DACH2: variants seen among roughly 807,000 people sequenced by gnomAD.
DACH2 encodes the protein dachshund homolog 2.
In DACH2, 17 loss-of-function variants were observed where a neutral mutation model predicts 35.8. That is an observed-to-expected ratio of 0.48 (90% confidence interval 0.33 to 0.71). The LOEUF (loss-of-function observed/expected upper bound fraction) is 0.71. Among genes scored for constraint, DACH2 ranks in the 30% least tolerant of loss-of-function variants. The probability of loss-of-function intolerance (pLI) is 0.02; values close to 1 mark genes in which losing one functional copy is unlikely to be tolerated. For synonymous variants in DACH2, 195 were observed against 177.3 expected (o/e 1.10, Z -0.79); for missense variants, 469 against 472.7 (o/e 0.99, Z 0.07).
At chrX:86,430,823 C>G (rs2036974058) in intron 2 of DACH2, among the ~76,000 whole-genome samples, 1 of 111,907 alleles carries the variant, frequency 8.9e-6, no homozygotes, top group Admixed American at 9.5e-5. Flanking sequence ...AAACCTATCC[C>G]CCTGTTTTAA....
chrX:86,786,626 A>G (rs1171994514), intron 7 of DACH2, among the ~76,000 whole-genome samples: 1 of 112,603 alleles, frequency 8.9e-6, no homozygotes, highest in African/African-American at 3.2e-5. Context: ...CAAAGTGCTT[A>G]TAAATAATTC....
In DACH2 at chrX:86,422,453, C is replaced by A. The variant is rs1040199647; in HGVS notation, c.527+45591C>A. 3.6e-5 allele frequency among the ~76,000 whole-genome samples: 4 copies of A among 110,719 alleles called. 1 individual carries two copies. The Admixed American group carries it at 3.9e-4, about 11-fold the overall frequency. ...GTGATACTTGTGAGGAAAGTTTACC[C>A]TATAATTGGCTGTCTCTCATACATG... is the stretch of plus-strand genomic sequence containing the variant. On this transcript the variant is annotated intron_variant, in intron 2 of 11. Transcript: ENST00000373125.
At chrX:86,704,978 T>C (rs1051062801) in intron 5 of DACH2, among the ~76,000 whole-genome samples, 19 of 100,697 alleles carry the variant, frequency 1.9e-4, no homozygotes, top group Non-Finnish European at 3.3e-4. Flanking sequence ...ATTGCAAAAA[T>C]ATGGAACCAG....
chrX:86,411,860 GT>G (rs905793786), intron 2 of DACH2, among the ~76,000 whole-genome samples: 3 of 110,404 alleles, frequency 2.7e-5, no homozygotes, highest in Non-Finnish European at 3.8e-5. Flanking sequence ...AGCAGGTTGT[GT>G]TTTTTTTCCC....
intron 3 of DACH2, among the ~76,000 whole-genome samples, chrX:86,615,705 A>G (rs941886137): frequency 1.8e-5 from 2 of 110,715 alleles, no homozygotes; most frequent in African/African-American, 6.6e-5. Flanking sequence ...TCATCCTGTA[A>G]CCGGTATTAT....
intron 3 of DACH2, among the ~76,000 whole-genome samples, chrX:86,599,824 C>A (rs997881845): frequency 2.0e-4 from 22 of 110,496 alleles, no homozygotes; most frequent in African/African-American, 6.9e-4. Context: ...TATTAGCTTG[C>A]GTATCCCAGA....
chrX:86,601,122 C>G (rs2039784078), intron 3 of DACH2, among the ~76,000 whole-genome samples: 1 of 110,974 alleles, frequency 9.0e-6, no homozygotes, highest in Non-Finnish European at 1.9e-5. Flanking sequence ...CCTCTCTGTA[C>G]CCCAGTGCCT....
At chrX:86,499,404 A>G (rs2038219036) in intron 2 of DACH2, among the ~76,000 whole-genome samples, 1 of 111,673 alleles carries the variant, frequency 9.0e-6, no homozygotes, top group Admixed American at 9.6e-5. Context: ...TATGGAGGCA[A>G]GTGAAAGTTT....
At chrX:86,640,211 C>T (rs1286867667) in intron 3 of DACH2, among the ~76,000 whole-genome samples, 2 of 111,293 alleles carry the variant, frequency 1.8e-5, no homozygotes, top group African/African-American at 3.3e-5. Context: ...GCTGTTGAGC[C>T]AGTACAAACT....
chrX:86,529,971 A>G (rs868812253), intron 3 of DACH2, among the ~76,000 whole-genome samples: 105 of 45,117 alleles, frequency 2.3e-3, no homozygotes, highest in African/African-American at 6.6e-3. Flanking sequence ...ACACACACAC[A>G]CACACGCACA....
At chrX:86,620,174 G>A (rs1158360239) in intron 3 of DACH2, among the ~76,000 whole-genome samples, 1 of 111,856 alleles carries the variant, frequency 8.9e-6, no homozygotes, top group Non-Finnish European at 1.9e-5. Flanking sequence ...GTTACTGTTG[G>A]TAGTAAAGGC....
At chrX:86,361,770 A>C (rs1393004200) in intron 1 of DACH2, among the ~76,000 whole-genome samples, 2 of 111,633 alleles carry the variant, frequency 1.8e-5, no homozygotes, top group Non-Finnish European at 3.8e-5. Flanking sequence ...AGAATTACAA[A>C]TATTTCGAAA....
chrX:86,432,384 G>A, intron 2 of DACH2, among the ~76,000 whole-genome samples: 1 of 112,119 alleles, frequency 8.9e-6, no homozygotes, highest in East Asian at 2.8e-4. Context: ...TGAGCTCAGG[G>A]TTCTGTTTTC....
At chrX:86,665,907 G>A (rs923340615) in intron 4 of DACH2, among the ~76,000 whole-genome samples, 2 of 111,329 alleles carry the variant, frequency 1.8e-5, no homozygotes, top group Non-Finnish European at 3.8e-5. Context: ...TGCATACTTC[G>A]ACATATAGAT....
intron 3 of DACH2, among the ~76,000 whole-genome samples, chrX:86,648,845 A>T (rs1318907075): frequency 9.0e-6 from 1 of 111,322 alleles, no homozygotes; most frequent in Non-Finnish European, 1.9e-5. Flanking sequence ...AATATATGTT[A>T]TATAGGCTAT....
At chrX:86,298,848 C>T (rs974676290) in intron 1 of DACH2, among the ~76,000 whole-genome samples, 1 of 111,426 alleles carries the variant, frequency 9.0e-6, no homozygotes, top group African/African-American at 3.3e-5. Context: ...TTTTTCTGCA[C>T]CTTTTGTATA....
At chrX:86,285,849 G>A (rs1181893600) in intron 1 of DACH2, among the ~76,000 whole-genome samples, 1 of 111,018 alleles carries the variant, frequency 9.0e-6, no homozygotes, top group Non-Finnish European at 1.9e-5. Context: ...CGGTGCTCCA[G>A]TGTTGGGTGT....
At position 86,315,838 on chromosome X, in the gene DACH2, C is replaced by CAGAGAGAG. The variant is rs1441850166; in HGVS notation, c.489-60985_489-60984insGAGAGAGA. 4.2e-3 allele frequency among the ~76,000 whole-genome samples: 327 copies of CAGAGAGAG among 77,022 alleles called. 2 individuals are homozygous for CAGAGAGAG. The highest frequency in any genetic ancestry group is 6.1e-3 in the Non-Finnish European group (255 of 41,651). The allele number at this position is 77,022 out of a possible 115,157, so 66.9% of individuals were successfully genotyped here. A position where few individuals can be genotyped will look rare whatever the true frequency, so the allele number is the denominator to read the frequency against. On this transcript the variant is annotated intron_variant, in intron 1 of 11. Transcript: ENST00000373125. ...ACACACACACACACACACACACACA[C>CAGAGAGAG]ACAGAGAGAGAGAGGGAGATTGGAG... is the stretch of plus-strand genomic sequence containing the variant.
At chrX:86,763,221 T>C (rs1602914832) in intron 7 of DACH2, among the ~76,000 whole-genome samples, 1 of 111,659 alleles carries the variant, frequency 9.0e-6, no homozygotes, top group East Asian at 2.8e-4. Flanking sequence ...CAAATGCCCA[T>C]GAGCAGTAGA....
Sources: allele counts gnomAD v4.1 joint callset (sites outside exome capture counted in the v4.1 genomes callset), GRCh38; gene constraint gnomAD v4.1.1; transcripts MANE v1.5; gene names NCBI Gene and HGNC (gene_info 2026-07-23, HGNC 2026-07-21).